FCRL3: variants seen among roughly 807,000 people sequenced by gnomAD.
The protein encoded by FCRL3 is Fc receptor-like protein 3.
FCRL3 carries 89 observed loss-of-function variants against 75.0 expected under a neutral mutation model. The ratio of observed to expected loss-of-function variants is 1.19; its 90% CI spans 1.00 to 1.42. FCRL3 has a LOEUF of 1.42. Among genes scored for constraint, FCRL3 ranks in the 40% most tolerant of loss-of-function variants. FCRL3 has a pLI of 0.00. For synonymous variants in FCRL3, 376 were observed against 348.5 expected (o/e 1.08, Z -0.88); for missense variants, 946 against 880.0 (o/e 1.07, Z -0.95).
intron 5 of FCRL3, 70 bp downstream of exon 5, chr1:157,697,589 T>G: frequency 6.5e-7 from 1 of 1,529,542 alleles, no homozygotes; most frequent in Non-Finnish European, 8.8e-7. Flanking sequence ...AAATTCCCAC[T>G]GATAAACATC....
In FCRL3 at chr1:157,695,364, G is replaced by A. The variant is rs1655813100; in HGVS notation, c.1376C>T (p.Ala459Val). The A allele has an allele frequency of 6.2e-7, 1 of 1,614,146 alleles. No individual in the cohort carries two copies. Among genetic ancestry groups the A allele is most frequent in the South Asian group, 1.1e-5 (1 of 91,080 alleles). Reference sequence around the variant, plus strand: ...GAGACTCACTCCATGACTGTGCTGGGCCCCCAGGCCATTGTCTGCATCACA... The same window carrying A: ...GAGACTCACTCCATGACTGTGCTGGACCCCCAGGCCATTGTCTGCATCACA... ...YSCDADNGLG[A>V]QHSHGVSLRV... Residue 459 changes from alanine to valine, a missense_variant, in exon 8 of 15, where the codon GCC becomes GTC. Transcript: ENST00000368184.
chr1:157,693,663 T>C (rs1655700564), intron 8 of FCRL3, among the ~76,000 whole-genome samples: 1 of 152,134 alleles, frequency 6.6e-6, no homozygotes, highest in Non-Finnish European at 1.5e-5. Context: ...TTTTAAAATA[T>C]TGTTTATTTC....
chr1:157,682,246 A>G (rs973641237), intron 11 of FCRL3, among the ~76,000 whole-genome samples: 9 of 152,024 alleles, frequency 5.9e-5, no homozygotes, highest in African/African-American at 2.2e-4. Context: ...TCTTTAGTTT[A>G]ATTAGATCCC....
At chr1:157,686,513 G>A (rs989284814) in intron 10 of FCRL3, among the ~76,000 whole-genome samples, 14 of 152,072 alleles carry the variant, frequency 9.2e-5, no homozygotes, top group African/African-American at 3.4e-4. Context: ...AAAGCTGAAG[G>A]CATCACACCT....
At chr1:157,681,402 C>A (rs1221576505) in intron 11 of FCRL3, among the ~76,000 whole-genome samples, 2 of 108,390 alleles carry the variant, frequency 1.8e-5, no homozygotes, top group Non-Finnish European at 3.5e-5. Flanking sequence ...CTCCCCCCAC[C>A]CCAAAACAGT....
At position 157,698,092 on chromosome 1, in the gene FCRL3, A is replaced by C. The variant is rs117707528; in HGVS notation, c.299-173T>G. ...CTTCCTTGCCCTACAAGGGTGAACCAATTCCCAGAAAATGTTCTTGAGAAA... is the reference window on the plus strand; with the variant it reads ...CTTCCTTGCCCTACAAGGGTGAACCCATTCCCAGAAAATGTTCTTGAGAAA... On this transcript the variant is annotated intron_variant, in intron 4 of 14. Transcript: ENST00000368184. 3.6e-3 allele frequency: 2,744 copies of C among 770,864 alleles called. 98 individuals carry two copies. The East Asian group carries it at 0.066, about 18-fold the overall frequency. The allele number at this position is 770,864 out of a possible 1,614,324, so 47.8% of individuals were successfully genotyped here. A position where few individuals can be genotyped will look rare whatever the true frequency, so the allele number is the denominator to read the frequency against.
chr1:157,696,728 T>A (rs1256627131), intron 6 of FCRL3: 2 of 242,520 alleles, frequency 8.2e-6, no homozygotes, highest in Admixed American at 5.0e-5. Context: ...TTTACATCCA[T>A]GTCTCCATGT....
intron 13 of FCRL3, among the ~76,000 whole-genome samples, chr1:157,679,794 A>C (rs1654706608): frequency 1.6e-5 from 2 of 121,298 alleles, no homozygotes; most frequent in Admixed American, 1.2e-4. Flanking sequence ...GCACTGCTGC[A>C]CTCCAGCCTG....
rs1363750678 is a variant in FCRL3 at position 157,677,039 on chromosome 1, A to G, written c.*1671T>C. ...TTAAAATTTTAATGCCAATATGAAC[A>G]TGAACTGGCAGAGATCAGCATCTCA... On this transcript the variant is annotated 3_prime_UTR_variant, in exon 15 of 15. Coordinates refer to ENST00000368184, the MANE Select transcript of FCRL3 (RefSeq NM_052939.4). The G allele has an allele frequency of 2.4e-6, 3 of 1,233,922 alleles. No homozygotes were observed. The highest frequency in any genetic ancestry group is 1.7e-5 in the South Asian group (1 of 57,862). 76.4% of individuals were successfully genotyped at this position (1,233,922 alleles called of 1,614,324 possible).
chr1:157,691,486 G>A (rs1655541426), intron 8 of FCRL3, among the ~76,000 whole-genome samples: 1 of 152,174 alleles, frequency 6.6e-6, no homozygotes, highest in African/African-American at 2.4e-5. Context: ...TCACTGAATG[G>A]CAATGATTAA....
rs746677031 is a variant in FCRL3 at position 157,697,330 on chromosome 1, C to T, written c.654G>A (p.Gln218=). Residue 218 remains glutamine (Q), a synonymous_variant, in exon 6 of 15, where the codon CAG becomes CAA. Coordinates refer to ENST00000368184, the MANE Select transcript of FCRL3 (RefSeq NM_052939.4). ...TLTCETQLSP[Q]RPDVQLQFSL... The stretch of plus-strand genomic sequence containing the variant: ...AGAATTGCAGCTGGACATCTGGCCT[C>T]TGTGGAGAGAGCTGGGTCTCACAGG... The T allele has an allele frequency of 3.7e-6, 6 of 1,612,108 alleles. No individual in the cohort carries two copies. The highest frequency in any genetic ancestry group is 1.6e-4 in the Middle Eastern group (1 of 6,068).
chr1:157,683,369 T>A (rs1216533269), intron 10 of FCRL3, 125 bp from the exon 11 acceptor site: 1 of 1,184,394 alleles, frequency 8.4e-7, no homozygotes, highest in Non-Finnish European at 1.2e-6. Flanking sequence ...ACTCAAGGAT[T>A]ATCCAGCTCC....
rs1654469704 is a variant in FCRL3 at position 157,676,573 on chromosome 1, G to T, written c.*2137C>A. 2 of 766,976 alleles carry T rather than the reference G, an allele frequency of 2.6e-6. No homozygotes were observed. Among genetic ancestry groups the T allele is most frequent in the Non-Finnish European group, 4.0e-6 (2 of 499,622 alleles). The allele number at this position is 766,976 out of a possible 1,614,324, so 47.5% of individuals were successfully genotyped here. The stretch of plus-strand genomic sequence containing the variant: ...ATGGGTTTTTAGTTGTGAATTCAAA[G>T]ATAAAAGTCAAGTAGAGCACTGCAT... On this transcript the variant is annotated 3_prime_UTR_variant, in exon 15 of 15. Coordinates refer to ENST00000368184, the MANE Select transcript of FCRL3 (RefSeq NM_052939.4).
In FCRL3 at chr1:157,677,804, T is replaced by C. The variant is rs1404849289; in HGVS notation, c.*906A>G. 6 of 484,232 alleles carry C rather than the reference T, an allele frequency of 1.2e-5. No homozygotes were observed. The East Asian group carries it at 4.5e-4, about 37-fold the overall frequency. 30.0% of individuals were successfully genotyped at this position (484,232 alleles called of 1,614,324 possible). ...TATAAAAACATATTTAAGGAAAACA[T>C]GTAGATACATTAATATGATAGAAAT... is the stretch of plus-strand genomic sequence containing the variant. On this transcript the variant is annotated 3_prime_UTR_variant, in exon 15 of 15. Transcript: ENST00000368184.
intron 13 of FCRL3, among the ~76,000 whole-genome samples, chr1:157,679,616 G>A (rs1430330490): frequency 6.6e-6 from 1 of 151,932 alleles, no homozygotes; most frequent in South Asian, 2.1e-4. Flanking sequence ...GGTATAAGGA[G>A]ATAGAAATGA....
chr1:157,696,557 A>C, intron 6 of FCRL3: 4 of 544,300 alleles, frequency 7.3e-6, no homozygotes, highest in East Asian at 3.0e-5. Context: ...CATAATCTCC[A>C]TAAATCCAAT....
rs945635 is a variant in FCRL3 at position 157,700,500 on chromosome 1, C to G, written c.-11G>C. On this transcript the variant is annotated 5_prime_UTR_variant, in exon 2 of 15. Transcript: ENST00000368184. The stretch of plus-strand genomic sequence containing the variant: ...CAGCCACAGAAGCATGGGCACCGGC[C>G]GGGCAGAGGGTTGGGAAAGTCTGTC... 744,478 of 1,613,508 alleles carry G rather than the reference C, an allele frequency of 0.46. 179,518 individuals are homozygous for G. The highest frequency in any genetic ancestry group is 0.86 in the African/African-American group (64,579 of 74,950).
chr1:157,698,065 T>C (rs113339387), intron 4 of FCRL3, 146 bp from the exon 5 acceptor site: 5 of 906,652 alleles, frequency 5.5e-6, no homozygotes, highest in Middle Eastern at 3.4e-4. Context: ...AAATACCTGA[T>C]TCTTCCTTGC....
At chr1:157,698,262 C>G (rs1034789150) in intron 4 of FCRL3, 122 bp downstream of exon 4, 3 of 1,180,824 alleles carry the variant, frequency 2.5e-6, no homozygotes, top group Non-Finnish European at 1.2e-6. Context: ...ATTTTCCCCA[C>G]TGGGGTCAGT....
Sources: allele counts gnomAD v4.1 joint callset (sites outside exome capture counted in the v4.1 genomes callset), GRCh38; gene constraint gnomAD v4.1.1; transcripts MANE v1.5; gene names NCBI Gene and HGNC (gene_info 2026-07-23, HGNC 2026-07-21).